SLC30A10: variants seen among roughly 807,000 people sequenced by gnomAD.
The protein encoded by SLC30A10 is calcium/manganese antiporter SLC30A10.
Under a neutral mutation model 21.7 loss-of-function variants are expected in SLC30A10, and 8 were observed. The ratio of observed to expected loss-of-function variants is 0.37; its 90% CI spans 0.22 to 0.67. The LOEUF is 0.67. SLC30A10 is among the 30% of genes least tolerant of loss of function. SLC30A10 has a pLI of 0.58. For missense variants in SLC30A10, 521 were observed against 642.5 expected (o/e 0.81, Z 2.04); for synonymous variants, 272 against 279.4 (o/e 0.97, Z 0.26).
intron 1 of SLC30A10, among the ~76,000 whole-genome samples, chr1:219,951,713 T>TC (rs1194430591): frequency 1.3e-5 from 2 of 149,806 alleles, no homozygotes; most frequent in Admixed American, 6.6e-5. Context: ...AGAGTGAGAC[T>TC]CCATCTCAAA....
intron 1 of SLC30A10, among the ~76,000 whole-genome samples, chr1:219,957,360 A>G (rs780802593): frequency 3.3e-5 from 5 of 152,196 alleles, no homozygotes; most frequent in Non-Finnish European, 5.9e-5. Context: ...ACAGGGAATC[A>G]AATAAAAAAT....
Position 219,915,026 on chromosome 1 carries a change from T to C in SLC30A10, c.*423A>G, listed in dbSNP as rs1659499827. ...TTAAGGGGATTGGGAAAAATACAGC[T>C]ATTGTGGTACTTTAGTTTTTTCAAT... is the stretch of plus-strand genomic sequence containing the variant. On this transcript the variant is annotated 3_prime_UTR_variant, in exon 4 of 4. Transcript: ENST00000366926. The C allele has an allele frequency of 6.3e-6, 1 of 158,572 alleles. No individual in the cohort carries two copies. Among genetic ancestry groups the C allele is most frequent in the South Asian group, 1.9e-4 (1 of 5,212 alleles). The allele number at this position is 158,572 out of a possible 1,614,324, so 9.8% of individuals were successfully genotyped here. A position where few individuals can be genotyped will look rare whatever the true frequency, so the allele number is the denominator to read the frequency against.
intron 1 of SLC30A10, 112 bp from the exon 2 acceptor site, chr1:219,927,217 G>A (rs1659846939): frequency 1.8e-6 from 2 of 1,111,252 alleles, no homozygotes; most frequent in Admixed American, 2.0e-5. Flanking sequence ...TAGCTTAAGG[G>A]AGACCCTTCT....
intron 1 of SLC30A10, 138 bp downstream of exon 1, chr1:219,927,663 A>AAAC: frequency 1.1e-5 from 4 of 369,718 alleles, no homozygotes; most frequent in Non-Finnish European, 1.2e-5. Context: ...AAAAAAAAAA[A>AAAC]AAAAACAACA....
intron 1 of SLC30A10, among the ~76,000 whole-genome samples, chr1:219,943,849 C>T (rs1361159485): frequency 6.6e-6 from 1 of 152,118 alleles, no homozygotes; most frequent in East Asian, 1.9e-4. Flanking sequence ...CCTGTAATCC[C>T]AGCACTTTGG....
intron 1 of SLC30A10, among the ~76,000 whole-genome samples, chr1:219,936,953 C>T (rs1660053680): frequency 6.6e-6 from 1 of 152,176 alleles, no homozygotes; most frequent in Admixed American, 6.5e-5. Context: ...TCTTTTCATA[C>T]CATGGCTTTC....
intron 1 of SLC30A10, among the ~76,000 whole-genome samples, chr1:219,944,522 A>G (rs1262488328): frequency 1.3e-5 from 2 of 152,220 alleles, no homozygotes; most frequent in African/African-American, 2.4e-5. Context: ...AGACAGAGGA[A>G]AGAAAGTATT....
chr1:219,913,463 G>A lies in SLC30A10; in HGVS notation c.*1986C>T, dbSNP rs1318559163. The A allele has an allele frequency of 6.6e-6, 1 of 152,202 alleles. No individual in the cohort carries two copies. The highest frequency in any genetic ancestry group is 1.9e-4 in the East Asian group (1 of 5,206). The allele number at this position is 152,202 out of a possible 1,614,324, so 9.4% of individuals were successfully genotyped here. A position where few individuals can be genotyped will look rare whatever the true frequency, so the allele number is the denominator to read the frequency against. ...TCCCTTTTAATAAAGGCAGAATGAT[G>A]TGAAATCAAATTAGACCTTCAAATT... On this transcript the variant is annotated 3_prime_UTR_variant, in exon 4 of 4. Transcript: ENST00000366926.
At chr1:219,937,446 C>T (rs1660061132) in intron 1 of SLC30A10, among the ~76,000 whole-genome samples, 1 of 152,218 alleles carries the variant, frequency 6.6e-6, no homozygotes, top group African/African-American at 2.4e-5. Flanking sequence ...CATCAGGAAA[C>T]ACCTAGTGTG....
intron 1 of SLC30A10, 64 bp from the exon 2 acceptor site, chr1:219,927,169 T>A (rs777270231): frequency 1.3e-6 from 2 of 1,537,782 alleles, no homozygotes; most frequent in East Asian, 2.3e-5. Flanking sequence ...AAAAAACCAA[T>A]GGACTCAAAA....
In SLC30A10 at chr1:219,915,619, C is replaced by T. The variant is rs141152174; in HGVS notation, c.1288G>A (p.Glu430Lys). Residue 430 changes from glutamate (E) to lysine (K), a missense_variant, in exon 4 of 4, where the codon GAG (glutamate) becomes AAG (lysine). Coordinates refer to ENST00000366926, the MANE Select transcript of SLC30A10 (RefSeq NM_018713.3). ...TCTAGAGAGGGCCCACCATTGTGCT[C>T]AGCACAGCCATTGACGTGAGCCAGA... is the stretch of plus-strand genomic sequence containing the variant. ...LPLAHVNGCA[E>K]HNGGPSLDTY... The T allele has an allele frequency of 2.0e-5, 33 of 1,614,120 alleles. No individual in the cohort carries two copies. Among genetic ancestry groups the T allele is most frequent in the Admixed American group, 5.0e-5 (3 of 60,014 alleles).
intron 1 of SLC30A10, among the ~76,000 whole-genome samples, chr1:219,935,755 T>C (rs1212830797): frequency 3.3e-5 from 5 of 152,254 alleles, no homozygotes; most frequent in African/African-American, 7.2e-5. Flanking sequence ...TGACTTCCAG[T>C]TGTGGAATCT....
chr1:219,950,389 C>T (rs560264438), intron 1 of SLC30A10, among the ~76,000 whole-genome samples: 2 of 152,312 alleles, frequency 1.3e-5, no homozygotes, highest in African/African-American at 2.4e-5. Flanking sequence ...CCTGTAATCC[C>T]AGCACTTTGG....
intron 2 of SLC30A10, among the ~76,000 whole-genome samples, chr1:219,921,487 A>G (rs190326224): frequency 6.6e-6 from 1 of 152,282 alleles, no homozygotes; most frequent in Admixed American, 6.5e-5. Context: ...GAGAAATCCC[A>G]CTATTACCCC....
intron 1 of SLC30A10, among the ~76,000 whole-genome samples, chr1:219,955,478 T>C (rs970981576): frequency 6.6e-6 from 1 of 152,216 alleles, no homozygotes; most frequent in Non-Finnish European, 1.5e-5. Flanking sequence ...AAAAATTTTC[T>C]GGTTCTGTAT....
chr1:219,950,039 G>T (rs1369307906), intron 1 of SLC30A10, among the ~76,000 whole-genome samples: 1 of 152,168 alleles, frequency 6.6e-6, no homozygotes, highest in Non-Finnish European at 1.5e-5. Context: ...AGACAGGACT[G>T]CAGGAAAATA....
rs768453360 is a variant in SLC30A10, at chr1:219,928,168, C to G, written c.273G>C (p.Ala91=). 21 of 1,559,858 alleles carry G rather than the reference C, an allele frequency of 1.3e-5. No homozygotes were observed. In the South Asian group the frequency reaches 2.4e-4, roughly 18 times the overall value. Reference sequence around the variant, plus strand: ...CCTCCACGAAGATGGTGAAGCAGAGCGCGGTGAGGAAGACCGCGTTGCTCA... The same window carrying G: ...CCTCCACGAAGATGGTGAAGCAGAGGGCGGTGAGGAAGACCGCGTTGCTCA... ...GALSNAVFLT[A]LCFTIFVEAV... is the part of the protein sequence containing the mutation. Residue 91 remains alanine, a synonymous_variant, in exon 1 of 4, where the codon GCG becomes GCC. Transcript: ENST00000366926. The surrounding 1 kb of genome is among the most constrained non-coding windows in gnomAD (Gnocchi z 6.3).
intron 1 of SLC30A10, among the ~76,000 whole-genome samples, chr1:219,950,463 C>T (rs1022980464): frequency 6.6e-6 from 1 of 151,944 alleles, no homozygotes; most frequent in Non-Finnish European, 1.5e-5. Flanking sequence ...CACAGTGAAA[C>T]CCCATCTCTA....
intron 1 of SLC30A10, among the ~76,000 whole-genome samples, chr1:219,935,118 A>G (rs976183637): frequency 1.3e-5 from 2 of 152,334 alleles, no homozygotes; most frequent in South Asian, 4.1e-4. Flanking sequence ...CAGCTTTTAG[A>G]CTATTTCCAA....
Sources: gnomAD v4.1 joint callset for allele counts (sites outside exome capture counted in the v4.1 genomes callset) on GRCh38, gnomAD v4.1.1 for gene constraint, Gnocchi (gnomAD v3.1) non-coding constraint, MANE v1.5 for transcripts, NCBI Gene and HGNC (gene_info 2026-07-23, HGNC 2026-07-21) for gene names.